Variants in HELZ observed in about 807,000 individuals in gnomAD.
HELZ encodes the protein ATP-dependent RNA helicase with zinc finger domain.
A neutral mutation model predicts 218.2 loss-of-function variants in HELZ; 23 were observed. The observed-to-expected ratio is 0.11, with a 90% CI of 0.08 to 0.15. The LOEUF (loss-of-function observed/expected upper bound fraction) is 0.15. HELZ is among the 10% of genes least tolerant of loss of function. The pLI is 1.00. For synonymous variants in HELZ, 814 were observed against 829.4 expected, an observed-to-expected ratio of 0.98 and a Z score of 0.32; for missense variants, 1,813 against 2,353.7, an observed-to-expected ratio of 0.77 and a Z score of 4.75.
chr17:67,080,499 T>G (rs2036155834), intron 32 of HELZ, among the ~76,000 whole-genome samples: 2 of 152,212 alleles, frequency 1.3e-5, no homozygotes, highest in Admixed American at 1.3e-4. Flanking sequence ...AGTCTGCTCT[T>G]CCTGCTTTCT....
intron 12 of HELZ, among the ~76,000 whole-genome samples, chr17:67,185,666 TTTG>T (rs1225667025): frequency 6.6e-6 from 1 of 152,240 alleles, no homozygotes; most frequent in African/African-American, 2.4e-5. Context: ...TTTCATACTG[TTTG>T]TTATTTCTCC....
Position 67,120,569 on chromosome 17 carries a change from C to T in HELZ, c.3674G>A (p.Arg1225Gln). The part of the protein sequence containing the change: ...GYQGRFAVDP[R>Q]IITHQAAMAY... ...CATTGCTGCCTGATGTGTAATAATT[C>T]GAGGATCAACTGCAAACCTACCCTG... The change falls in exon 27 of 33, where the codon CGA becomes CAA. Residue 1225 changes from arginine to glutamine, a missense_variant. By Grantham distance (43) the Arg-to-Gln change is conservative. This residue lies in a region of HELZ where 938 missense variants were observed against 1,027.5 expected (regional missense o/e 0.91). Transcript: ENST00000358691. 1 of 1,613,078 alleles carries T rather than the reference C, an allele frequency of 6.2e-7. No individual in the cohort carries two copies. Among genetic ancestry groups the T allele is most frequent in the Admixed American group, 1.7e-5 (1 of 59,998 alleles).
intron 27 of HELZ, among the ~76,000 whole-genome samples, chr17:67,119,282 G>A (rs574338365): frequency 1.1e-4 from 17 of 152,118 alleles, no homozygotes; most frequent in African/African-American, 2.7e-4. Context: ...AACATATTGC[G>A]GTACATCCAT....
chr17:67,174,869 G>A (rs887434837), intron 13 of HELZ, among the ~76,000 whole-genome samples: 3 of 152,180 alleles, frequency 2.0e-5, no homozygotes, highest in East Asian at 1.9e-4. Flanking sequence ...ATACATTCTC[G>A]GGACCTTGGG....
chr17:67,197,659 A>G (rs1339270453), intron 7 of HELZ, among the ~76,000 whole-genome samples: 1 of 152,248 alleles, frequency 6.6e-6, no homozygotes, highest in Non-Finnish European at 1.5e-5. Context: ...AGTAAACAGT[A>G]TCCCAAGATG....
intron 32 of HELZ, among the ~76,000 whole-genome samples, chr17:67,084,696 G>T (rs1004348716): frequency 3.0e-4 from 46 of 151,358 alleles, no homozygotes; most frequent in African/African-American, 1.1e-3. Flanking sequence ...AAGAAGAAGA[G>T]AAATGATGTT....
chr17:67,244,673 C>A, intron 1 of HELZ: 1 of 981,312 alleles, frequency 1.0e-6, no homozygotes, highest in South Asian at 4.7e-5. Flanking sequence ...TCCCCACGCC[C>A]CCGCTCCAGC....
intron 3 of HELZ, among the ~76,000 whole-genome samples, chr17:67,220,849 T>TC (rs574120008): frequency 0.1 from 11,559 of 114,050 alleles, 801 homozygotes; most frequent in African/African-American, 0.18. Context: ...TTAAGATAAC[T>TC]CCCCCCCCCC....
chr17:67,208,145 T>A (rs577402190), intron 5 of HELZ, among the ~76,000 whole-genome samples: 1 of 152,164 alleles, frequency 6.6e-6, no homozygotes, highest in East Asian at 1.9e-4. Flanking sequence ...AACAGATTAG[T>A]GGTTGCCAAG....
At chr17:67,171,160 C>T (rs946669618) in intron 13 of HELZ, among the ~76,000 whole-genome samples, 1 of 152,050 alleles carries the variant, frequency 6.6e-6, no homozygotes, top group Admixed American at 6.5e-5. Flanking sequence ...CTCCATCTCC[C>T]ATCTAAGCAC....
chr17:67,235,277 C>A (rs150273307), intron 3 of HELZ, among the ~76,000 whole-genome samples: 1 of 151,966 alleles, frequency 6.6e-6, no homozygotes, highest in Non-Finnish European at 1.5e-5. Context: ...GAGGCCAAGG[C>A]GGGTGGATCA....
chr17:67,108,460 T>C lies in HELZ; in HGVS notation c.4724+32A>G. On this transcript the variant is annotated intron_variant, in intron 30 of 32. Coordinates refer to ENST00000358691, the MANE Select transcript of HELZ (RefSeq NM_014877.4). The surrounding 1 kb of genome is among the most constrained non-coding windows in gnomAD (Gnocchi z 4.1). Reference sequence around the variant, plus strand: ...AAAAGAGAACAGTGAGGGGGTCGCATTCCAGGGGCTATTTTCAGTCCGCTG... The same window carrying C: ...AAAAGAGAACAGTGAGGGGGTCGCACTCCAGGGGCTATTTTCAGTCCGCTG... The C allele has an allele frequency of 6.5e-7, 1 of 1,538,108 alleles. No individual in the cohort carries two copies. The highest frequency in any genetic ancestry group is 1.4e-5 in the African/African-American group (1 of 73,418).
chr17:67,203,202 T>C (rs2040212016), intron 6 of HELZ, 117 bp downstream of exon 6: 5 of 1,058,808 alleles, frequency 4.7e-6, no homozygotes, highest in African/African-American at 1.6e-5. Context: ...AATTTTGCTT[T>C]CTAATAGAGG....
intron 31 of HELZ, among the ~76,000 whole-genome samples, chr17:67,103,156 C>T (rs1567801633): frequency 6.6e-6 from 1 of 152,024 alleles, no homozygotes; most frequent in Non-Finnish European, 1.5e-5. Context: ...CTCCAAAGTC[C>T]ATCCCTCCAT....
intron 5 of HELZ, among the ~76,000 whole-genome samples, chr17:67,212,658 T>TA (rs948861600): frequency 1.3e-5 from 2 of 152,198 alleles, no homozygotes; most frequent in African/African-American, 4.8e-5. Flanking sequence ...TGGATTTATT[T>TA]AAAAAATGAC....
chr17:67,113,124 T>C (rs2037329828), intron 28 of HELZ, among the ~76,000 whole-genome samples: 1 of 152,168 alleles, frequency 6.6e-6, no homozygotes, highest in African/African-American at 2.4e-5. Context: ...TAAAAAAATA[T>C]ATCAAGCAAT....
At position 67,108,655 on chromosome 17, in the gene HELZ, G is replaced by T. The variant is rs772052345; in HGVS notation, c.4561C>A (p.His1521Asn). The T allele has an allele frequency of 5.0e-6, 8 of 1,613,966 alleles. No individual in the cohort carries two copies. The African/African-American group carries it at 9.3e-5, about 19-fold the overall frequency. The change falls in exon 30 of 33, where the codon CAT becomes AAT. Residue 1521 changes from histidine to asparagine, a missense_variant. His to Asn is a moderately conservative substitution (Grantham distance 68). Coordinates refer to ENST00000358691, the MANE Select transcript of HELZ (RefSeq NM_014877.4). The surrounding 1 kb of genome is among the most constrained non-coding windows in gnomAD (Gnocchi z 4.1). ...QQARFQQWSE[H>N]HAFLSQGSAP... ...CTGCCCTGACTGAGAAAGGCATGAT[G>T]CTCGCTCCACTGCTGGAACCGTGCC...
chr17:67,199,210 C>CT (rs1156398239), intron 7 of HELZ, among the ~76,000 whole-genome samples: 22,542 of 122,916 alleles, frequency 0.18, 3,452 homozygotes, highest in East Asian at 0.74. Flanking sequence ...TTTGCCATTA[C>CT]TTTTTTTTTT....
chr17:67,180,781 G>A (rs939938375), intron 12 of HELZ, among the ~76,000 whole-genome samples: 13 of 151,944 alleles, frequency 8.6e-5, no homozygotes, highest in African/African-American at 2.9e-4. Flanking sequence ...GGGAGGCTGA[G>A]GCCGGAGAAT....
Sources: allele counts gnomAD v4.1 joint callset (sites outside exome capture counted in the v4.1 genomes callset), GRCh38; gene constraint gnomAD v4.1.1; regional missense constraint gnomAD v4.1.1; non-coding constraint Gnocchi (gnomAD v3.1); transcripts MANE v1.5; gene names NCBI Gene and HGNC (gene_info 2026-07-23, HGNC 2026-07-21).